POLE: variants seen among roughly 807,000 people sequenced by gnomAD.
The protein encoded by POLE is DNA polymerase epsilon, catalytic subunit.
Under a neutral mutation model 279.2 loss-of-function variants are expected in POLE, and 188 were observed. The ratio of observed to expected loss-of-function variants is 0.67; its 90% CI spans 0.60 to 0.76. The LOEUF is 0.76. Among genes scored for constraint, POLE ranks in the 30% least tolerant of loss-of-function variants. POLE has a pLI of 0.00. For missense variants in POLE, 2,703 were observed against 3,016.7 expected (o/e 0.90, Z 2.44); for synonymous variants, 1,214 against 1,172.5 (o/e 1.04, Z -0.72).
intron 6 of POLE, among the ~76,000 whole-genome samples, chr12:132,678,352 G>A (rs765621132): frequency 2.6e-5 from 4 of 151,876 alleles, no homozygotes; most frequent in South Asian, 2.1e-4. Context: ...GGATCGCTTC[G>A]GCCCAGGAGT....
At chr12:132,632,563 C>T (rs1233508585) in intron 44 of POLE, 55 bp from the exon 45 acceptor site, 3 of 1,606,070 alleles carry the variant, frequency 1.9e-6, no homozygotes, top group Non-Finnish European at 1.7e-6. Flanking sequence ...GCACTGGGGA[C>T]CTCCCACCTG....
In POLE at chr12:132,679,551, T is replaced by C. The variant is rs1555230082; in HGVS notation, c.524A>G (p.Lys175Arg). 3 of 1,614,112 alleles carry C rather than the reference T, an allele frequency of 1.9e-6. No homozygotes were observed. The highest frequency in any genetic ancestry group is 2.5e-6 in the Non-Finnish European group (3 of 1,179,962). ...GGCGTGATCCTGCTCCCTGTTCTTCTTCACGGCAGGGGAGATCTCCTTCCT... is the reference window on the plus strand; with the variant it reads ...GGCGTGATCCTGCTCCCTGTTCTTCCTCACGGCAGGGGAGATCTCCTTCCT... ...KVRKEISPAV[K>R]KNREQDHASD... Residue 175 changes from lysine to arginine, a missense_variant, in exon 6 of 49, where the codon AAG becomes AGG. Physicochemically the swap from Lys to Arg is conservative, Grantham distance 26. Coordinates refer to ENST00000320574, the MANE Select transcript of POLE (RefSeq NM_006231.4).
chr12:132,642,172 C>T lies in POLE; in HGVS notation c.5173+5G>A. 6.5e-7 allele frequency: 1 copy of T among 1,543,982 alleles called. No individual in the cohort carries two copies. The highest frequency in any genetic ancestry group is 8.7e-7 in the Non-Finnish European group (1 of 1,144,394). On this transcript the variant is annotated splice_donor_5th_base_variant and intron_variant, in intron 38 of 48. Transcript: ENST00000320574. ...CTCATGGGCCTCGTCCTCCCGCCCA[C>T]TTACCTGTGGAGTAACAGCCTGAAC... is the stretch of plus-strand genomic sequence containing the variant.
intron 45 of POLE, among the ~76,000 whole-genome samples, chr12:132,631,820 C>T (rs1457076652): frequency 6.6e-6 from 1 of 152,120 alleles, no homozygotes; most frequent in African/African-American, 2.4e-5. Context: ...CCAAGCTCAC[C>T]CCCCAGGGCC....
chr12:132,626,470 A>G (rs188292948), intron 45 of POLE, among the ~76,000 whole-genome samples, 153 bp from the exon 46 acceptor site: 1 of 152,308 alleles, frequency 6.6e-6, no homozygotes, highest in African/African-American at 2.4e-5. Context: ...ACTTCTCTAC[A>G]TTAGCAGTTT....
At chr12:132,641,460 A>G in intron 39 of POLE, 187 bp downstream of exon 39, 1 of 604,536 alleles carries the variant, frequency 1.7e-6, no homozygotes, top group Non-Finnish European at 2.9e-6. Flanking sequence ...GTCGCCAGGG[A>G]CCAGGCCGGA....
At position 132,625,411 on chromosome 12, in the gene POLE, C is replaced by G. The variant is rs758490599; in HGVS notation, c.6657+234G>C. ...TCTCTTCACACTTGGGAGTGTCTGC[C>G]TCCTTCCGCTAGAACGAAGCACCCA... On this transcript the variant is annotated intron_variant, in intron 47 of 48. Coordinates refer to ENST00000320574, the MANE Select transcript of POLE (RefSeq NM_006231.4). The G allele has an allele frequency of 1.5e-5, 11 of 755,468 alleles. 1 individual carries two copies. The highest frequency in any genetic ancestry group is 1.2e-4 in the South Asian group (9 of 73,684). The allele number at this position is 755,468 out of a possible 1,614,324, so 46.8% of individuals were successfully genotyped here.
intron 32 of POLE, among the ~76,000 whole-genome samples, chr12:132,645,133 C>T: frequency 2.0e-5 from 1 of 49,880 alleles, no homozygotes; most frequent in Non-Finnish European, 3.6e-5. Flanking sequence ...TCTGGGAGAG[C>T]TGGAGAGGGG....
chr12:132,671,247 A>G lies in POLE; in HGVS notation c.1794+968T>C, dbSNP rs191042024. 2.0e-3 allele frequency among the ~76,000 whole-genome samples: 272 copies of G among 137,448 alleles called. 15 individuals are homozygous for G. Among genetic ancestry groups the G allele is most frequent in the African/African-American group, 7.6e-3 (262 of 34,360 alleles). 90.2% of individuals were successfully genotyped at this position (137,448 alleles called of 152,430 possible). A position where few individuals can be genotyped will look rare whatever the true frequency, so the allele number is the denominator to read the frequency against. On this transcript the variant is annotated intron_variant, in intron 16 of 48. Transcript: ENST00000320574. ...CATTGCACTCCAGTGTGGGTGACAG[A>G]GCAAGACTCCGTCTCAAAAAAAAAA...
At chr12:132,686,041 A>T (rs2043254888) in intron 1 of POLE, among the ~76,000 whole-genome samples, 1 of 151,546 alleles carries the variant, frequency 6.6e-6, no homozygotes, top group African/African-American at 2.4e-5. Flanking sequence ...ACGCCCCGCT[A>T]ATTTTGTATT....
At chr12:132,652,876 G>C (rs2042453745) in intron 29 of POLE, among the ~76,000 whole-genome samples, 1 of 151,888 alleles carries the variant, frequency 6.6e-6, no homozygotes, top group African/African-American at 2.4e-5. Flanking sequence ...AAAATTCTTT[G>C]GTTATTCTTA....
chr12:132,645,570 T>G (rs1017991043), intron 32 of POLE, among the ~76,000 whole-genome samples: 31 of 152,310 alleles, frequency 2.0e-4, no homozygotes, highest in Admixed American at 3.3e-4. Flanking sequence ...GCTTGGGCAC[T>G]GGAATTAACC....
At position 132,667,592 on chromosome 12, in the gene POLE, T is replaced by C. The variant is rs2135970445; in HGVS notation, c.2230A>G (p.Thr744Ala). 1 of 1,613,708 alleles carries C rather than the reference T, an allele frequency of 6.2e-7. No individual in the cohort carries two copies. The highest frequency in any genetic ancestry group is 8.5e-7 in the Non-Finnish European group (1 of 1,179,800). Residue 744 changes from threonine to alanine, a missense_variant, in exon 20 of 49, where the codon ACC becomes GCC. Physicochemically the swap from Thr to Ala is moderately conservative, Grantham distance 58. Around this residue, in one of 5 missense-constraint regions of POLE, gnomAD observed 1,011 missense variants for 1,111.7 expected, o/e 0.91. Transcript: ENST00000320574. The part of the protein sequence containing the change: ...IHITKVEERL[T>A]TICQRENSFY... Reference sequence around the variant, plus strand: ...GAGTTTTCCCGCTGGCAGATGGTGGTGAGACGCTCTTCCACCTTGGTGATG... The same window carrying C: ...GAGTTTTCCCGCTGGCAGATGGTGGCGAGACGCTCTTCCACCTTGGTGATG...
rs542742707 is a variant in POLE at position 132,666,757 on chromosome 12, G to A, written c.2319+746C>T. ...CTGTTTGATGGAGATAAGAGTTTCC[G>A]TTTCAGAAGGCGAAGAATTCTGGAG... On this transcript the variant is annotated intron_variant, in intron 20 of 48. Coordinates refer to ENST00000320574, the MANE Select transcript of POLE (RefSeq NM_006231.4). 6.1e-4 allele frequency among the ~76,000 whole-genome samples: 93 copies of A among 152,308 alleles called. 1 individual carries two copies. Among genetic ancestry groups the A allele is most frequent in the Non-Finnish European group, 1.1e-3 (77 of 68,030 alleles).
intron 41 of POLE, 39 bp from the exon 42 acceptor site, chr12:132,636,063 C>T (rs758916776): frequency 8.2e-6 from 13 of 1,591,078 alleles, no homozygotes; most frequent in Admixed American, 1.8e-5. Flanking sequence ...TCAGTGAAAT[C>T]GACCTTGTTC....
At chr12:132,630,179 T>G (rs911680480) in intron 45 of POLE, among the ~76,000 whole-genome samples, 2 of 152,218 alleles carry the variant, frequency 1.3e-5, no homozygotes, top group African/African-American at 4.8e-5. Flanking sequence ...TGAAATATCC[T>G]GAGAGTTACC....
chr12:132,652,928 T>C, intron 29 of POLE, among the ~76,000 whole-genome samples: 1 of 152,236 alleles, frequency 6.6e-6, no homozygotes, highest in East Asian at 1.9e-4. Flanking sequence ...TCTGTCAAGT[T>C]CTATCCAAAA....
At chr12:132,628,644 T>TCAAAACAAAA (rs113536517) in intron 45 of POLE, among the ~76,000 whole-genome samples, 26 of 150,888 alleles carry the variant, frequency 1.7e-4, no homozygotes, top group Admixed American at 1.1e-3. Context: ...AGGCTCCATC[T>TCAAAACAAAA]CAAAACAAAA....
In POLE at chr12:132,626,220, T is replaced by C. The variant is rs761600734; in HGVS notation, c.6428A>G (p.Gln2143Arg). ...GTAGGAGCGGCAGGGGTCTCGGAAC[T>C]GGGCCTCCTCGGAGAACTCGCCGAC... ...VDVGEFSEEA[Q>R]FRDPCRSYVL... The change falls in exon 46 of 49, where the codon CAG (glutamine) becomes CGG (arginine). Residue 2143 changes from glutamine (Q) to arginine (R), a missense_variant. By Grantham distance (43) the Gln-to-Arg change is conservative. Around this residue, in one of 5 missense-constraint regions of POLE, gnomAD observed 1,551 missense variants for 1,686.1 expected, o/e 0.92. Coordinates refer to ENST00000320574, the MANE Select transcript of POLE (RefSeq NM_006231.4). 3.1e-6 allele frequency: 5 copies of C among 1,613,718 alleles called. No homozygotes were observed. The South Asian group carries it at 5.5e-5, about 18-fold the overall frequency.
Sources: gnomAD v4.1 joint callset for allele counts (sites outside exome capture counted in the v4.1 genomes callset) on GRCh38, gnomAD v4.1.1 for gene constraint, gnomAD v4.1.1 regional missense constraint, MANE v1.5 for transcripts, NCBI Gene and HGNC (gene_info 2026-07-23, HGNC 2026-07-21) for gene names.